Variants in ZXDC observed in about 807,000 individuals in gnomAD.
The protein encoded by ZXDC is ZXD family zinc finger C, also known as zinc finger protein ZXDC.
Under a neutral mutation model 63.6 loss-of-function variants are expected in ZXDC, and 58 were observed. The observed-to-expected ratio is 0.91, with a 90% confidence interval of 0.74 to 1.13. The LOEUF (loss-of-function observed/expected upper bound fraction) is 1.13, where lower values mean the gene tolerates loss of function less well. Ranked by LOEUF, ZXDC falls within the 50% of genes most tolerant of loss-of-function variation. The pLI is 0.00. For synonymous variants in ZXDC, 561 were observed against 496.1 expected (o/e 1.13, Z -1.74); for missense variants, 1,133 against 1,148.9 (o/e 0.99, Z 0.20).
intron 7 of ZXDC, 36 bp downstream of exon 7, chr3:126,459,617 C>T (rs1313222079): frequency 1.2e-6 from 2 of 1,613,794 alleles, no homozygotes; most frequent in Admixed American, 1.7e-5. Flanking sequence ...AACCCTCAGG[C>T]CCTTGCTCGT....
In ZXDC at chr3:126,475,213, G is replaced by C; in HGVS notation, c.653C>G (p.Ala218Gly). The C allele has an allele frequency of 6.3e-7, 1 of 1,579,044 alleles. No homozygotes were observed. Among genetic ancestry groups the C allele is most frequent in the Non-Finnish European group, 8.6e-7 (1 of 1,162,324 alleles). The change falls in exon 1 of 10, where the codon GCC becomes GGC. Residue 218 changes from alanine (A) to glycine (G), a missense_variant. Ala to Gly is a moderately conservative substitution (Grantham distance 60, BLOSUM62 0). Transcript: ENST00000389709. ...CTTGAGCTTGTAGGACGTTGTGAAG[G>C]CCCAACCACAGCCCTCCAGTGGGCA... Reference protein sequence around the residue: ...FKCPLEGCGWAFTTSYKLKRH... With the variant: ...FKCPLEGCGWGFTTSYKLKRH...
At chr3:126,449,229 T>G (rs986164656) in intron 7 of ZXDC, among the ~76,000 whole-genome samples, 2 of 152,228 alleles carry the variant, frequency 1.3e-5, no homozygotes, top group Non-Finnish European at 2.9e-5. Flanking sequence ...CCAAAGCTTT[T>G]ACCTTTTTTT....
rs774843723 is a variant in ZXDC at position 126,472,135 on chromosome 3, C to G, written c.1060+18G>C. On this transcript the variant is annotated intron_variant, in intron 2 of 9. Transcript: ENST00000389709. ...ACAAATCTTGGGTCCAAATGCTGTG[C>G]GTTCCCTAGCTCATTACCTGTATGG... The G allele has an allele frequency of 6.2e-7, 1 of 1,608,512 alleles. No individual in the cohort carries two copies. Among genetic ancestry groups the G allele is most frequent in the Admixed American group, 1.7e-5 (1 of 59,704 alleles).
At chr3:126,472,743 T>A (rs1466191499) in intron 1 of ZXDC, among the ~76,000 whole-genome samples, 1 of 152,108 alleles carries the variant, frequency 6.6e-6, no homozygotes, top group Non-Finnish European at 1.5e-5. Flanking sequence ...CCCTTGGGGG[T>A]GATGCTGCAT....
intron 7 of ZXDC, chr3:126,454,115 G>T: frequency 1.1e-6 from 1 of 941,390 alleles, no homozygotes; most frequent in Non-Finnish European, 1.3e-6. Flanking sequence ...GCCCTAATTT[G>T]TTCCATTTAA....
In ZXDC at chr3:126,461,639, G is replaced by A. The variant is rs1220743545; in HGVS notation, c.2023C>T (p.Gln675Ter). The change falls in exon 6 of 10, where the codon CAG (glutamine) becomes TAG (stop). Residue 675 changes from glutamine to a stop codon, truncating the protein, a stop_gained. Transcript: ENST00000389709. LOFTEE classifies it high-confidence loss of function. ...SPSRPGAVGQQEGSHGLPQST... is the reference protein window; with the variant it reads ...SPSRPGAVGQ ...TGGGGCAGCCCATGGCTTCCTTCCT[G>A]CTGCCCAACTGCTCCTGGGCGAGAA... 6.2e-7 allele frequency: 1 copy of A among 1,614,074 alleles called. No individual in the cohort carries two copies. The highest frequency in any genetic ancestry group is 1.7e-5 in the Admixed American group (1 of 60,012).
intron 4 of ZXDC, among the ~76,000 whole-genome samples, chr3:126,468,017 C>A (rs545426773): frequency 6.6e-6 from 1 of 152,140 alleles, no homozygotes; most frequent in Non-Finnish European, 1.5e-5. Flanking sequence ...ATCATTTCTC[C>A]AAGTGTACTA....
At chr3:126,451,044 G>C (rs1343735063) in intron 7 of ZXDC, 12 of 743,064 alleles carry the variant, frequency 1.6e-5, no homozygotes, top group Non-Finnish European at 2.0e-5. Flanking sequence ...AGGGACTCAA[G>C]GCCACTCCTC....
At chr3:126,443,904 T>C (rs1933776617) in intron 7 of ZXDC, among the ~76,000 whole-genome samples, 1 of 152,250 alleles carries the variant, frequency 6.6e-6, no homozygotes, top group Non-Finnish European at 1.5e-5. Context: ...CAAAATTATA[T>C]TAAAAATGCT....
At chr3:126,442,078 T>A in intron 7 of ZXDC, 132 bp from the exon 8 acceptor site, 1 of 1,078,090 alleles carries the variant, frequency 9.3e-7, no homozygotes, top group Non-Finnish European at 1.2e-6. Context: ...AGACGTAAAA[T>A]CACTTAACAG....
At position 126,467,171 on chromosome 3, in the gene ZXDC, C is replaced by T. The variant is rs1391093806; in HGVS notation, c.1271-846G>A. 3.9e-5 allele frequency among the ~76,000 whole-genome samples: 6 copies of T among 152,220 alleles called. No individual in the cohort carries two copies. The South Asian group carries it at 1.2e-3, about 32-fold the overall frequency. ...AGCGGTCTCAGGAGTATGCAGCCCT[C>T]GAGGTGACTGGGCCACCCTGCAGCA... On this transcript the variant is annotated intron_variant, in intron 4 of 9. Coordinates refer to ENST00000389709, the MANE Select transcript of ZXDC (RefSeq NM_025112.5).
intron 7 of ZXDC, chr3:126,450,387 C>T (rs777494): frequency 0.93 from 423,174 of 456,644 alleles, 197,351 homozygotes; most frequent in East Asian, 0.99. Flanking sequence ...TAGAGATCCA[C>T]GCACCCTCCC....
At chr3:126,459,844 C>T in intron 6 of ZXDC, 107 bp from the exon 7 acceptor site, 1 of 1,585,472 alleles carries the variant, frequency 6.3e-7, no homozygotes, top group African/African-American at 1.3e-5. Flanking sequence ...ATCCGAGCTC[C>T]CAAAACCAGA....
rs1935153280 is a variant in ZXDC at position 126,475,338 on chromosome 3, G to A, written c.528C>T (p.Arg176=). Residue 176 remains arginine (R), a synonymous_variant, in exon 1 of 10, where the codon CGC becomes CGT. Coordinates refer to ENST00000389709, the MANE Select transcript of ZXDC (RefSeq NM_025112.5). ...QASGPSTPGY[R]CPEPQCALAF... ...CCAGCGCGCACTGCGGCTCGGGGCA[G>A]CGGTAGCCGGGCGTGCTGGGGCCGG... 1 of 1,529,004 alleles carries A rather than the reference G, an allele frequency of 6.5e-7. No homozygotes were observed. Among genetic ancestry groups the A allele is most frequent in the Admixed American group, 2.0e-5 (1 of 49,308 alleles). The allele number at this position is 1,529,004 out of a possible 1,614,324, so 94.7% of individuals were successfully genotyped here.
At chr3:126,441,672 T>C (rs1218864007) in intron 8 of ZXDC, 93 bp downstream of exon 8, 5 of 1,444,732 alleles carry the variant, frequency 3.5e-6, no homozygotes, top group African/African-American at 1.4e-5. Context: ...GGTGCTGCGA[T>C]GGGCAGGGGA....
intron 8 of ZXDC, chr3:126,441,336 A>C: frequency 9.9e-7 from 1 of 1,007,072 alleles, no homozygotes; most frequent in Non-Finnish European, 1.2e-6. Context: ...GTGCGCCACA[A>C]GCAGGCCGCC....
At chr3:126,450,588 C>A in intron 7 of ZXDC, 1 of 454,612 alleles carries the variant, frequency 2.2e-6, no homozygotes, top group Non-Finnish European at 4.4e-6. Flanking sequence ...GGGTGCACCT[C>A]CGGACTGACC....
chr3:126,451,758 C>G (rs868177569), intron 7 of ZXDC: 1 of 985,406 alleles, frequency 1.0e-6, no homozygotes. Context: ...TACTGGTGAT[C>G]TGGAAAGCTC....
chr3:126,468,991 C>T (rs1017828292), intron 4 of ZXDC, among the ~76,000 whole-genome samples: 1 of 152,216 alleles, frequency 6.6e-6, no homozygotes, highest in Non-Finnish European at 1.5e-5. Flanking sequence ...ACGACAGTAA[C>T]TGACATATAT....
Sources: allele counts gnomAD v4.1 joint callset (sites outside exome capture counted in the v4.1 genomes callset), GRCh38; gene constraint gnomAD v4.1.1; transcripts MANE v1.5; gene names NCBI Gene and HGNC (gene_info 2026-07-23, HGNC 2026-07-21).